ZFAND6: variants seen among roughly 807,000 people sequenced by gnomAD.
ZFAND6 encodes the protein zinc finger AN1-type containing 6.
A neutral mutation model predicts 24.5 loss-of-function variants in ZFAND6; 12 were observed. The observed-to-expected ratio is 0.49, with a 90% CI of 0.31 to 0.79. The LOEUF is 0.79. Among genes scored for constraint, ZFAND6 ranks in the 30% least tolerant of loss-of-function variants. The probability of loss-of-function intolerance (pLI) is 0.04; values close to 1 mark genes in which losing one functional copy is unlikely to be tolerated. For missense variants in ZFAND6, 207 were observed against 245.9 expected (o/e 0.84, Z 1.06); for synonymous variants, 92 against 81.5 (o/e 1.13, Z -0.69).
intron 1 of ZFAND6, among the ~76,000 whole-genome samples, chr15:80,063,465 C>G (rs2036441860): frequency 6.6e-6 from 1 of 152,026 alleles, no homozygotes; most frequent in Non-Finnish European, 1.5e-5. Flanking sequence ...GATCTCAGCT[C>G]ACCGCAACCT....
At chr15:80,059,008 T>C (rs1012174434), upstream of ZFAND6, among the ~76,000 whole-genome samples, 2 of 152,266 alleles carry the variant, frequency 1.3e-5, no homozygotes, top group African/African-American at 4.8e-5. Context: ...CCCGTGCTTT[T>C]GGAACAGGCT....
rs11441423 is a variant in ZFAND6, at chr15:80,077,697, C to CTTTT, written c.-181+17904_-181+17907dup. ...GTAAGAATAGGAGTGAGTTTTCTTT[C>CTTTT]TTTTTTTTTTTTTTTTTTTGGAGAC... On this transcript the variant is annotated intron_variant, in intron 1 of 6. Transcript: ENST00000261749. Among the ~76,000 whole-genome samples the CTTTT allele has an allele frequency of 8.3e-4, 96 of 115,274 alleles. 1 individual carries two copies. The highest frequency in any genetic ancestry group is 1.0e-3 in the Non-Finnish European group (61 of 58,444). The allele number at this position is 115,274 out of a possible 152,430, so 75.6% of individuals were successfully genotyped here.
chr15:80,121,365 A>G (rs190547875), intron 3 of ZFAND6, among the ~76,000 whole-genome samples: 49 of 152,282 alleles, frequency 3.2e-4, no homozygotes, highest in South Asian at 1.2e-3. Context: ...TTCTGAACCT[A>G]TATTCTTCAC....
chr15:80,064,607 TACACACAC>T (rs9302291), intron 1 of ZFAND6, among the ~76,000 whole-genome samples: 9 of 150,706 alleles, frequency 6.0e-5, no homozygotes, highest in Admixed American at 5.3e-4. Context: ...CATGTATACA[TACACACAC>T]ACACACACAC....
At chr15:80,096,347 T>C (rs1295016792) in intron 1 of ZFAND6, among the ~76,000 whole-genome samples, 1 of 152,200 alleles carries the variant, frequency 6.6e-6, no homozygotes, top group Non-Finnish European at 1.5e-5. Context: ...GCAGACTCAT[T>C]TAAGCCTGCG....
intron 1 of ZFAND6, among the ~76,000 whole-genome samples, chr15:80,086,199 C>T (rs1373027807): frequency 6.6e-6 from 1 of 152,174 alleles, no homozygotes; most frequent in South Asian, 2.1e-4. Flanking sequence ...CCACCACACC[C>T]AGCTAATTTT....
chr15:80,137,399 T>C (rs2040913210), intron 6 of ZFAND6, 81 bp from the exon 7 acceptor site: 1 of 1,455,126 alleles, frequency 6.9e-7, no homozygotes, highest in Admixed American at 2.6e-5. Context: ...CCTAAATATA[T>C]TGTGCTGTTC....
At position 80,107,430 on chromosome 15, in the gene ZFAND6, G is replaced by T. The variant is rs572631887; in HGVS notation, c.-18+8852G>T. Among the ~76,000 whole-genome samples, 3 of 152,280 alleles carry T rather than the reference G, an allele frequency of 2.0e-5. No individual in the cohort carries two copies. The South Asian group carries it at 6.2e-4, about 32-fold the overall frequency. On this transcript the variant is annotated intron_variant, in intron 2 of 6. Transcript: ENST00000261749. ...TAGTATGGTTTGGTGCCGCTGTCTT[G>T]ATGGCATGTTAAAGCTCTAGCTGTT... is the stretch of plus-strand genomic sequence containing the variant.
chr15:80,100,792 A>G (rs1030852896), intron 2 of ZFAND6, among the ~76,000 whole-genome samples: 3 of 152,204 alleles, frequency 2.0e-5, no homozygotes, highest in Admixed American at 1.3e-4. Context: ...ATATAAGGCC[A>G]TGTAACATGG....
chr15:80,091,685 G>A (rs1359897084), intron 1 of ZFAND6, among the ~76,000 whole-genome samples: 1 of 151,818 alleles, frequency 6.6e-6, no homozygotes, highest in Non-Finnish European at 1.5e-5. Context: ...TGTCACCCCA[G>A]CTGGAGTGCA....
chr15:80,107,388 C>T (rs868333146), intron 2 of ZFAND6, among the ~76,000 whole-genome samples: 13 of 152,034 alleles, frequency 8.6e-5, no homozygotes, highest in East Asian at 3.9e-4. Context: ...TGTCATATAA[C>T]GACAACTGTA....
At chr15:80,116,386 G>T (rs1376365781) in intron 2 of ZFAND6, among the ~76,000 whole-genome samples, 1 of 152,068 alleles carries the variant, frequency 6.6e-6, no homozygotes, top group Non-Finnish European at 1.5e-5. Context: ...AATTAAAGCT[G>T]AGAAAATGTT....
chr15:80,113,076 T>C (rs908494730), intron 2 of ZFAND6, among the ~76,000 whole-genome samples: 3 of 152,224 alleles, frequency 2.0e-5, no homozygotes, highest in African/African-American at 7.2e-5. Flanking sequence ...AAGCTTAATG[T>C]GCATTCTTAT....
chr15:80,087,784 T>C (rs561865946), intron 1 of ZFAND6, among the ~76,000 whole-genome samples: 45 of 152,340 alleles, frequency 3.0e-4, no homozygotes, highest in Admixed American at 1.0e-3. Context: ...CATACATCGT[T>C]TTTCTAGATT....
intron 3 of ZFAND6, 72 bp downstream of exon 3, chr15:80,120,570 C>A: frequency 8.0e-7 from 1 of 1,247,684 alleles, no homozygotes; most frequent in Admixed American, 2.9e-5. Context: ...ATACCCAATA[C>A]CTTTTTCTGC....
chr15:80,107,615 A>G (rs547888623), intron 2 of ZFAND6, among the ~76,000 whole-genome samples: 1 of 152,222 alleles, frequency 6.6e-6, no homozygotes, highest in East Asian at 1.9e-4. Context: ...ACCTGAGGTC[A>G]GGAGTTCAAG....
chr15:80,135,930 C>A lies in ZFAND6; in HGVS notation c.479-1550C>A, dbSNP rs1169410628. Among the ~76,000 whole-genome samples, 5 of 152,178 alleles carry A rather than the reference C, an allele frequency of 3.3e-5. No homozygotes were observed. The East Asian group carries it at 7.7e-4, about 23-fold the overall frequency. On this transcript the variant is annotated intron_variant, in intron 6 of 6. Transcript: ENST00000261749. The stretch of plus-strand genomic sequence containing the variant: ...CCTGAGGCCAGGAGTTGAAGACCAA[C>A]CTGGACTACATAGTGAGACTCAGTC...
intron 5 of ZFAND6, chr15:80,130,819 C>T (rs2040566647): frequency 5.3e-6 from 1 of 187,230 alleles, no homozygotes; most frequent in Admixed American, 6.0e-5. Flanking sequence ...AAGAACTATG[C>T]ATATGGCTAT....
chr15:80,107,464 C>G (rs34431711), intron 2 of ZFAND6, among the ~76,000 whole-genome samples: 12,085 of 152,214 alleles, frequency 0.079, 557 homozygotes, highest in East Asian at 0.19. Flanking sequence ...TTTTACCCTT[C>G]ATTGCTTTTA....
Sources: allele counts gnomAD v4.1 joint callset (sites outside exome capture counted in the v4.1 genomes callset), GRCh38; gene constraint gnomAD v4.1.1; transcripts MANE v1.5; gene names NCBI Gene and HGNC (gene_info 2026-07-23, HGNC 2026-07-21).